Variants in CCDC30 observed in about 807,000 individuals in gnomAD.
CCDC30 encodes the protein coiled-coil domain containing 30.
A neutral mutation model predicts 100.2 loss-of-function variants in CCDC30; 70 were observed. The ratio of observed to expected loss-of-function variants is 0.70; its 90% CI spans 0.58 to 0.85. The LOEUF is 0.85. Among genes scored for constraint, CCDC30 ranks in the 40% least tolerant of loss-of-function variants. The probability of loss-of-function intolerance (pLI) is 0.00; values close to 1 mark genes in which losing one functional copy is unlikely to be tolerated. For synonymous variants in CCDC30, 233 were observed against 269.5 expected (o/e 0.86, Z 1.33); for missense variants, 652 against 771.2 (o/e 0.85, Z 1.83).
intron 11 of CCDC30, among the ~76,000 whole-genome samples, chr1:42,621,209 G>T (rs924756551): frequency 1.3e-5 from 2 of 152,158 alleles, no homozygotes; most frequent in Non-Finnish European, 2.9e-5. Flanking sequence ...GAGATGTTTT[G>T]ATACAGGCAT....
chr1:42,585,804 G>A (rs1250872778), intron 9 of CCDC30, among the ~76,000 whole-genome samples: 1 of 152,054 alleles, frequency 6.6e-6, no homozygotes, highest in South Asian at 2.1e-4. Flanking sequence ...ATTTAGAAGT[G>A]TGTTGTTTAT....
intron 10 of CCDC30, among the ~76,000 whole-genome samples, chr1:42,605,301 G>T (rs1328166930): frequency 6.6e-6 from 1 of 152,076 alleles, no homozygotes; most frequent in African/African-American, 2.4e-5. Flanking sequence ...CTTGGTGAGG[G>T]GAGTATCTTT....
intron 6 of CCDC30, among the ~76,000 whole-genome samples, chr1:42,554,330 C>G (rs6661654): frequency 1.4e-5 from 2 of 146,252 alleles, no homozygotes; most frequent in Non-Finnish European, 3.0e-5. Flanking sequence ...CAGGCTGGAG[C>G]GCAATAGTGC....
chr1:42,646,872 A>C (rs1647929875), intron 15 of CCDC30, among the ~76,000 whole-genome samples: 1 of 152,068 alleles, frequency 6.6e-6, no homozygotes, highest in African/African-American at 2.4e-5. Flanking sequence ...GCTGCGGTGG[A>C]TGATCACCTG....
At chr1:42,580,419 A>T (rs1319275500) in intron 8 of CCDC30, among the ~76,000 whole-genome samples, 1 of 152,216 alleles carries the variant, frequency 6.6e-6, no homozygotes, top group East Asian at 1.9e-4. Context: ...TTTGTGGGGA[A>T]TGTGATGCCA....
At chr1:42,633,953 G>C (rs1343300081) in intron 11 of CCDC30, among the ~76,000 whole-genome samples, 3 of 151,996 alleles carry the variant, frequency 2.0e-5, no homozygotes, top group African/African-American at 7.2e-5. Context: ...AGCAAGGAGA[G>C]GTGCTGAGTA....
chr1:42,603,989 G>A (rs113720233), intron 10 of CCDC30, among the ~76,000 whole-genome samples: 6,454 of 152,228 alleles, frequency 0.042, 441 homozygotes, highest in African/African-American at 0.14. Context: ...GAAGGCTGAG[G>A]TGGGAGGATT....
chr1:42,537,190 A>G (rs1018718728), intron 6 of CCDC30: 1 of 456,152 alleles, frequency 2.2e-6, no homozygotes, highest in African/African-American at 2.0e-5. Flanking sequence ...TAGTGTTCAT[A>G]GAGTCATGGG....
intron 6 of CCDC30, among the ~76,000 whole-genome samples, chr1:42,541,920 T>G (rs1455973941): frequency 6.6e-6 from 1 of 152,228 alleles, no homozygotes; most frequent in Non-Finnish European, 1.5e-5. Flanking sequence ...AGTATGATCA[T>G]GTAGACCAAC....
At chr1:42,545,953 A>AATAATG (rs906159605) in intron 6 of CCDC30, among the ~76,000 whole-genome samples, 2 of 150,878 alleles carry the variant, frequency 1.3e-5, no homozygotes, top group African/African-American at 4.9e-5. Flanking sequence ...CAAAATTAAT[A>AATAATG]ATAATAATAA....
At chr1:42,531,300 G>T (rs1368071390) in intron 6 of CCDC30, among the ~76,000 whole-genome samples, 1 of 152,126 alleles carries the variant, frequency 6.6e-6, no homozygotes, top group Non-Finnish European at 1.5e-5. Flanking sequence ...TTCCTGTAGA[G>T]CCTGAGGAAC....
At chr1:42,537,299 A>G (rs532816450) in intron 6 of CCDC30, 32 of 455,652 alleles carry the variant, frequency 7.0e-5, no homozygotes, top group East Asian at 5.6e-4. Flanking sequence ...AAGTGAGTTC[A>G]TGGAAGTCTA....
the CCDC30 span, chr1:42,457,396 C>A: frequency 6.5e-7 from 1 of 1,534,588 alleles, no homozygotes; most frequent in Non-Finnish European, 9.0e-7. Context: ...TATAACCAAT[C>A]TTGGGTTAAT....
At chr1:42,543,807 T>C (rs1645065799) in intron 6 of CCDC30, among the ~76,000 whole-genome samples, 1 of 152,188 alleles carries the variant, frequency 6.6e-6, no homozygotes, top group African/African-American at 2.4e-5. Flanking sequence ...TTTTATGAGA[T>C]TATAGTCCAT....
downstream of CCDC30, among the ~76,000 whole-genome samples, chr1:42,656,889 T>C (rs1330926844): frequency 1.3e-5 from 2 of 152,236 alleles, no homozygotes; most frequent in Non-Finnish European, 2.9e-5. Context: ...ACTATTTTTT[T>C]CACAACCTCA....
At chr1:42,491,470 G>T (rs1644139798) in intron 4 of CCDC30, among the ~76,000 whole-genome samples, 1 of 151,470 alleles carries the variant, frequency 6.6e-6, no homozygotes, top group Non-Finnish European at 1.5e-5. Context: ...AGAATAAAGG[G>T]GCAGTTTCAG....
intron 6 of CCDC30, among the ~76,000 whole-genome samples, chr1:42,550,984 T>C (rs1006931776): frequency 1.3e-5 from 2 of 152,380 alleles, no homozygotes; most frequent in East Asian, 3.9e-4. Flanking sequence ...TATTCATTTT[T>C]TATTATACTT....
chr1:42,642,347 G>A, intron 12 of CCDC30, 126 bp from the exon 17 acceptor site: 1 of 734,394 alleles, frequency 1.4e-6, no homozygotes, highest in African/African-American at 1.8e-5. Flanking sequence ...GATAGAAACA[G>A]ACTAGGGGAC....
intron 6 of CCDC30, among the ~76,000 whole-genome samples, chr1:42,559,596 A>C (rs1645444658): frequency 6.6e-6 from 1 of 152,226 alleles, no homozygotes; most frequent in Non-Finnish European, 1.5e-5. Flanking sequence ...AGAGCTAACT[A>C]TTCTAAATAT....
Sources: gnomAD v4.1 joint callset for allele counts (sites outside exome capture counted in the v4.1 genomes callset) on GRCh38, gnomAD v4.1.1 for gene constraint, MANE v1.5 for transcripts, NCBI Gene and HGNC (gene_info 2026-07-23, HGNC 2026-07-21) for gene names.